The following SAMD5 variants were observed in gnomAD, a reference collection of about 807,000 sequenced individuals.
The protein encoded by SAMD5 is sterile alpha motif domain containing 5.
In SAMD5, 13 loss-of-function variants were observed where a neutral mutation model predicts 11.3. The ratio of observed to expected loss-of-function variants is 1.15; its 90% CI spans 0.75 to 1.83. SAMD5 has a LOEUF of 1.83. SAMD5 is among the 40% of genes most tolerant of loss of function. The probability of loss-of-function intolerance (pLI) is 0.00; values close to 1 mark genes in which losing one functional copy is unlikely to be tolerated. For missense variants in SAMD5, 255 were observed against 239.1 expected (o/e 1.07, Z -0.44); for synonymous variants, 129 against 111.3 (o/e 1.16, Z -1.00).
At chr6:147,888,342 A>T in the SAMD5 span, among the ~76,000 whole-genome samples, 1 of 151,838 alleles carries the variant, frequency 6.6e-6, no homozygotes, top group African/African-American at 2.4e-5. Flanking sequence ...TGCAGGCCTG[A>T]TAGTGATGAG....
intron 1 of SAMD5, among the ~76,000 whole-genome samples, chr6:147,671,215 G>T (rs953880587): frequency 2.0e-5 from 3 of 152,018 alleles, no homozygotes; most frequent in Non-Finnish European, 4.4e-5. Context: ...ACAACTACAG[G>T]GGTAACATCA....
chr6:147,623,041 T>A (rs1789995654), intron 1 of SAMD5, among the ~76,000 whole-genome samples: 1 of 152,200 alleles, frequency 6.6e-6, no homozygotes, highest in South Asian at 2.1e-4. Context: ...CACATGGGAA[T>A]TATGGAAGCT....
At chr6:147,713,047 T>C (rs1791421161) in intron 1 of SAMD5, among the ~76,000 whole-genome samples, 1 of 152,212 alleles carries the variant, frequency 6.6e-6, no homozygotes, top group African/African-American at 2.4e-5. Context: ...TCCTGAGTCA[T>C]GGTCCAGAGC....
intron 1 of SAMD5, among the ~76,000 whole-genome samples, chr6:147,710,816 T>TCC (rs11453884): frequency 4.0e-5 from 6 of 151,748 alleles, no homozygotes; most frequent in South Asian, 2.1e-4. Flanking sequence ...TTGGAATGTA[T>TCC]CCCCCCTGGA....
the SAMD5 span, among the ~76,000 whole-genome samples, chr6:147,863,943 A>G: frequency 2.0e-5 from 3 of 150,316 alleles, no homozygotes; most frequent in African/African-American, 4.9e-5. Context: ...TGCCAGGTGC[A>G]AGTGAATCTC....
At chr6:147,905,953 G>A in the SAMD5 span, among the ~76,000 whole-genome samples, 1 of 152,172 alleles carries the variant, frequency 6.6e-6, no homozygotes, top group Non-Finnish European at 1.5e-5. Context: ...AGGGCTGCAT[G>A]GGGCCTTGTT....
chr6:147,550,591 T>A (rs1442167609), intron 1 of SAMD5, among the ~76,000 whole-genome samples: 1 of 152,210 alleles, frequency 6.6e-6, no homozygotes, highest in African/African-American at 2.4e-5. Context: ...AGTGAAATTA[T>A]GTCTTTTGCA....
chr6:147,744,882 AGT>A, the SAMD5 span, among the ~76,000 whole-genome samples: 420 of 125,942 alleles, frequency 3.3e-3, 2 homozygotes, highest in African/African-American at 0.016. Flanking sequence ...TGGGCAACAG[AGT>A]AAGACTCTGT....
the SAMD5 span, among the ~76,000 whole-genome samples, chr6:147,744,341 ATACT>A: frequency 6.6e-6 from 1 of 152,198 alleles, no homozygotes; most frequent in Non-Finnish European, 1.5e-5. Flanking sequence ...TGCTAAATAC[ATACT>A]TATCTAAGTA....
At chr6:147,752,029 C>A in the SAMD5 span, among the ~76,000 whole-genome samples, 1 of 152,026 alleles carries the variant, frequency 6.6e-6, no homozygotes, top group Non-Finnish European at 1.5e-5. Context: ...CAGTTACATC[C>A]CTGGCTCCAT....
At chr6:147,774,351 T>G in the SAMD5 span, among the ~76,000 whole-genome samples, 1 of 150,150 alleles carries the variant, frequency 6.7e-6, no homozygotes, top group South Asian at 2.1e-4. Context: ...AATAAAGGCT[T>G]AATTAAAGTA....
At chr6:147,614,971 A>G (rs1178071772) in intron 1 of SAMD5, among the ~76,000 whole-genome samples, 2 of 151,998 alleles carry the variant, frequency 1.3e-5, no homozygotes, top group African/African-American at 4.8e-5. Flanking sequence ...ACACATTTAT[A>G]TCTATGTTTA....
At chr6:147,616,031 C>T (rs1789862736) in intron 1 of SAMD5, among the ~76,000 whole-genome samples, 1 of 151,846 alleles carries the variant, frequency 6.6e-6, no homozygotes, top group South Asian at 2.1e-4. Context: ...GATGTTGGAC[C>T]TTTGCCTTAA....
chr6:147,747,953 T>C, the SAMD5 span, among the ~76,000 whole-genome samples: 1 of 152,158 alleles, frequency 6.6e-6, no homozygotes, highest in Non-Finnish European at 1.5e-5. Flanking sequence ...TTGGAAAATA[T>C]ATCTCTCCCT....
At chr6:147,747,472 T>A in the SAMD5 span, among the ~76,000 whole-genome samples, 1 of 152,226 alleles carries the variant, frequency 6.6e-6, no homozygotes, top group African/African-American at 2.4e-5. Context: ...TTTTGACTTA[T>A]ACCATTCTTG....
the SAMD5 span, among the ~76,000 whole-genome samples, chr6:147,825,990 T>C: frequency 1.3e-5 from 2 of 152,268 alleles, no homozygotes; most frequent in Non-Finnish European, 2.9e-5. Context: ...TATTTAAGAT[T>C]CTTCAGGCTT....
chr6:147,518,271 C>A (rs1788202524), intron 1 of SAMD5, among the ~76,000 whole-genome samples: 3 of 152,130 alleles, frequency 2.0e-5, no homozygotes, highest in African/African-American at 7.2e-5. Flanking sequence ...ACCACCTTAT[C>A]AAGTCTTAAC....
At chr6:147,638,585 C>T (rs1381924171) in intron 1 of SAMD5, among the ~76,000 whole-genome samples, 1 of 152,144 alleles carries the variant, frequency 6.6e-6, no homozygotes, top group African/African-American at 2.4e-5. Context: ...CAGGACTTGC[C>T]CTCAGTTTTG....
chr6:147,701,640 G>A (rs1162706318), intron 1 of SAMD5, among the ~76,000 whole-genome samples: 1 of 135,688 alleles, frequency 7.4e-6, no homozygotes, highest in African/African-American at 2.8e-5. Flanking sequence ...GGGCAACAGA[G>A]CTAGTCTGTC....
Sources: gnomAD v4.1 joint callset for allele counts (sites outside exome capture counted in the v4.1 genomes callset) on GRCh38, gnomAD v4.1.1 for gene constraint, MANE v1.5 for transcripts, NCBI Gene and HGNC (gene_info 2026-07-23, HGNC 2026-07-21) for gene names.